Variants in ADAMTSL4 observed in about 807,000 individuals in gnomAD.
ADAMTSL4 encodes ADAMTS like 4.
Under a neutral mutation model 122.8 loss-of-function variants are expected in ADAMTSL4, and 97 were observed. The ratio of observed to expected loss-of-function variants is 0.79; its 90% CI spans 0.67 to 0.93. The LOEUF (loss-of-function observed/expected upper bound fraction) is 0.93. ADAMTSL4 is among the 40% of genes least tolerant of loss of function. The probability of loss-of-function intolerance (pLI) is 0.00; values close to 1 mark genes in which losing one functional copy is unlikely to be tolerated. For missense variants in ADAMTSL4, 1,408 were observed against 1,453.5 expected (o/e 0.97, Z 0.51); for synonymous variants, 592 against 568.0 (o/e 1.04, Z -0.60).
rs1671541917 is a variant in ADAMTSL4 at position 150,552,668 on chromosome 1, C to T, written c.78+68C>T. ...CTTTCATCTCCCCCTAGGCTCCCACCCCATCTCTCCAGGCCACGCCTCCAT... is the reference window on the plus strand; with the variant it reads ...CTTTCATCTCCCCCTAGGCTCCCACTCCATCTCTCCAGGCCACGCCTCCAT... On this transcript the variant is annotated intron_variant, in intron 4 of 18. Transcript: ENST00000271643. The surrounding 1 kb of genome is among the most constrained non-coding windows in gnomAD (Gnocchi z 4.0). 1 of 1,550,774 alleles carries T rather than the reference C, an allele frequency of 6.4e-7. No homozygotes were observed. Among genetic ancestry groups the T allele is most frequent in the African/African-American group, 1.4e-5 (1 of 73,070 alleles).
Position 150,559,543 on chromosome 1 carries a change from C to T in ADAMTSL4, c.2943+77C>T. The T allele has an allele frequency of 5.0e-6, 8 of 1,592,382 alleles. No homozygotes were observed. The highest frequency in any genetic ancestry group is 6.8e-6 in the Non-Finnish European group (8 of 1,169,410). ...AGGGGAGCTCCTCTCGCTGTACCCC[C>T]TCCAGGTCTCTCTGTGCCCCAGAAT... On this transcript the variant is annotated intron_variant, in intron 17 of 18. Transcript: ENST00000271643. This position sits in a 1 kb window ranked among gnomAD's most constrained non-coding sequence, Gnocchi z 4.1.
rs1453123164 is a variant in ADAMTSL4, at chr1:150,559,345, TG to T, written c.2826del (p.Thr943ArgfsTer5). 6.2e-7 allele frequency: 1 copy of T among 1,613,894 alleles called. No homozygotes were observed. The highest frequency in any genetic ancestry group is 8.5e-7 in the Non-Finnish European group (1 of 1,179,978). On this transcript the variant is annotated frameshift_variant, in exon 17 of 19. Coordinates refer to ENST00000271643, the MANE Select transcript of ADAMTSL4 (RefSeq NM_019032.6). LOFTEE classifies it high-confidence loss of function. The surrounding 1 kb of genome is among the most constrained non-coding windows in gnomAD (Gnocchi z 4.1). ...AGAGACATCATCTGTGTATCCAAAC[TG>T]GGGACGGAGTTCAACGTGACTTCTC... ...QRRDIICVSK[L>X]GTEFNVTSPS...
At position 150,552,322 on chromosome 1, in the gene ADAMTSL4, C is replaced by T; in HGVS notation, c.20+14C>T. 5.1e-6 allele frequency: 8 copies of T among 1,554,952 alleles called. No homozygotes were observed. Among genetic ancestry groups the T allele is most frequent in the Non-Finnish European group, 7.0e-6 (8 of 1,148,364 alleles). On this transcript the variant is annotated intron_variant, in intron 3 of 18. Coordinates refer to ENST00000271643, the MANE Select transcript of ADAMTSL4 (RefSeq NM_019032.6). This position sits in a 1 kb window ranked among gnomAD's most constrained non-coding sequence, Gnocchi z 4.0. The stretch of plus-strand genomic sequence containing the variant: ...CTGGACTGGCAGGTGAGAGAAGGGG[C>T]CACGGGTTGGGGGGGAGGAAAAGGG...
In ADAMTSL4 at chr1:150,559,131, G is replaced by C. The variant is rs587698708; in HGVS notation, c.2729G>C (p.Arg910Thr). The C allele has an allele frequency of 1.2e-6, 2 of 1,612,912 alleles. No individual in the cohort carries two copies. Among genetic ancestry groups the C allele is most frequent in the East Asian group, 2.2e-5 (1 of 44,874 alleles). Residue 910 changes from arginine to threonine, a missense_variant, in exon 16 of 19, where the codon AGA becomes ACA. Coordinates refer to ENST00000271643, the MANE Select transcript of ADAMTSL4 (RefSeq NM_019032.6). The surrounding 1 kb of genome is among the most constrained non-coding windows in gnomAD (Gnocchi z 4.1). Reference sequence around the variant, plus strand: ...GCCTGCAGCCTGGGGCCCTGTGAGAGAACTTGGCGCTGGTACACAGGGCCC... The same window carrying C: ...GCCTGCAGCCTGGGGCCCTGTGAGACAACTTGGCGCTGGTACACAGGGCCC... ...MRACSLGPCE[R>T]TWRWYTGPWG...
At chr1:150,558,686 G>A in intron 15 of ADAMTSL4, 37 bp downstream of exon 15, 2 of 1,613,764 alleles carry the variant, frequency 1.2e-6, no homozygotes, top group Non-Finnish European at 1.7e-6. Flanking sequence ...CTGCATCCTG[G>A]GTAACCACGC....
Position 150,552,703 on chromosome 1 carries a change from C to A in ADAMTSL4, c.78+103C>A. On this transcript the variant is annotated intron_variant, in intron 4 of 18. Coordinates refer to ENST00000271643, the MANE Select transcript of ADAMTSL4 (RefSeq NM_019032.6). This position sits in a 1 kb window ranked among gnomAD's most constrained non-coding sequence, Gnocchi z 4.0. ...CAGGCCACGCCTCCATTCCCCACAGCCCACCCACCTCCCCTGCCAACTCCC... is the reference window on the plus strand; with the variant it reads ...CAGGCCACGCCTCCATTCCCCACAGACCACCCACCTCCCCTGCCAACTCCC... 1 of 1,452,656 alleles carries A rather than the reference C, an allele frequency of 6.9e-7. No homozygotes were observed. The highest frequency in any genetic ancestry group is 9.5e-7 in the Non-Finnish European group (1 of 1,058,164). The allele number at this position is 1,452,656 out of a possible 1,614,324, so 90.0% of individuals were successfully genotyped here. A position where few individuals can be genotyped will look rare whatever the true frequency, so the allele number is the denominator to read the frequency against.
In ADAMTSL4 at chr1:150,552,528, G is replaced by C. The variant is rs376352402; in HGVS notation, c.21-15G>C. 3.1e-5 allele frequency: 50 copies of C among 1,614,064 alleles called. No individual in the cohort carries two copies. The African/African-American group carries it at 6.4e-4, about 21-fold the overall frequency. ...GCTCCAGTCTGACGTCCCTCCCCTG[G>C]CCTTTGGTTTGCAGGCCCTGGCTGT... On this transcript the variant is annotated splice_polypyrimidine_tract_variant and intron_variant, in intron 3 of 18. Transcript: ENST00000271643. The surrounding 1 kb of genome is among the most constrained non-coding windows in gnomAD (Gnocchi z 4.0).
rs775722002 is a variant in ADAMTSL4, at chr1:150,557,506, C to G, written c.2060C>G (p.Pro687Arg). ...SASCGKGVWR[P>R]IFLCISRESG... ...CTCACCCACTCAGGTGTCTGGCGCC[C>G]CATTTTCCTCTGCATCTCCCGTGAG... The change falls in exon 13 of 19, where the codon CCC becomes CGC. Residue 687 changes from proline (P) to arginine (R), a missense_variant. Transcript: ENST00000271643. 6.2e-7 allele frequency: 1 copy of G among 1,613,024 alleles called. No individual in the cohort carries two copies. Among genetic ancestry groups the G allele is most frequent in the Admixed American group, 1.7e-5 (1 of 59,988 alleles).
In ADAMTSL4 at chr1:150,560,358, G is replaced by A; in HGVS notation, c.*162G>A. 2 of 1,168,000 alleles carry A rather than the reference G, an allele frequency of 1.7e-6. No homozygotes were observed. The highest frequency in any genetic ancestry group is 2.4e-6 in the Non-Finnish European group (2 of 834,624). The allele number at this position is 1,168,000 out of a possible 1,614,324, so 72.4% of individuals were successfully genotyped here. A position where few individuals can be genotyped will look rare whatever the true frequency, so the allele number is the denominator to read the frequency against. On this transcript the variant is annotated 3_prime_UTR_variant, in exon 19 of 19. Transcript: ENST00000271643. ...TGACTGACACAAAGTGACTTTCAGG[G>A]CTGTGGTCAGGCCCATGTGGTGGTG...
At chr1:150,558,681 T>A (rs751575817) in intron 15 of ADAMTSL4, 32 bp downstream of exon 15, 13 of 1,613,910 alleles carry the variant, frequency 8.1e-6, no homozygotes, top group Non-Finnish European at 9.3e-6. Flanking sequence ...ATATCCTGCA[T>A]CCTGGGTAAC....
At position 150,553,983 on chromosome 1, in the gene ADAMTSL4, A is replaced by G. The variant is rs768078661; in HGVS notation, c.992A>G (p.Asp331Gly). The G allele has an allele frequency of 6.7e-5, 108 of 1,611,312 alleles. No homozygotes were observed. The highest frequency in any genetic ancestry group is 1.7e-4 in the Middle Eastern group (1 of 6,056). The change falls in exon 6 of 19, where the codon GAC becomes GGC. Residue 331 changes from aspartate to glycine, a missense_variant. Coordinates refer to ENST00000271643, the MANE Select transcript of ADAMTSL4 (RefSeq NM_019032.6). ...CCTCACGGGCCCCGCCTGGAGCCTG[A>G]CCCTCAGCACCCGGGCGCCTGGCTG... is the stretch of plus-strand genomic sequence containing the variant. The part of the protein sequence containing the change: ...GTPHGPRLEP[D>G]PQHPGAWLPL...
At chr1:150,558,235 A>G in intron 14 of ADAMTSL4, 86 bp downstream of exon 14, 1 of 1,592,328 alleles carries the variant, frequency 6.3e-7, no homozygotes, top group East Asian at 2.2e-5. Context: ...CTTTTTCATC[A>G]GCAGAAACTA....
At position 150,553,851 on chromosome 1, in the gene ADAMTSL4, A is replaced by C. The variant is rs755408161; in HGVS notation, c.860A>C (p.Gln287Pro). 79 of 1,613,926 alleles carry C rather than the reference A, an allele frequency of 4.9e-5. No individual in the cohort carries two copies. Among genetic ancestry groups the C allele is most frequent in the Non-Finnish European group, 6.0e-5 (71 of 1,179,994 alleles). Residue 287 changes from glutamine to proline, a missense_variant, in exon 6 of 19, where the codon CAG (glutamine) becomes CCG (proline). Coordinates refer to ENST00000271643, the MANE Select transcript of ADAMTSL4 (RefSeq NM_019032.6). ...CCTCAGCCACGAAGGCCAAGTTCCC[A>C]GGGTTGGGCCAGTCCCCAGGTAGCA... Reference protein sequence around the residue: ...ASPQPRRPSSQGWASPQVAGR... With the variant: ...ASPQPRRPSSPGWASPQVAGR...
chr1:150,553,066 C>G lies in ADAMTSL4; in HGVS notation c.247C>G (p.Pro83Ala). The G allele has an allele frequency of 6.2e-7, 1 of 1,613,412 alleles. No homozygotes were observed. ...LPTVQLHPSL[P>A]LPPRPPRHPE... ...TACAGTGCAGCTCCACCCGAGTCTG[C>G]CCCTCCCTCCCCGGCCCCCAAGACA... The change falls in exon 5 of 19, where the codon CCC becomes GCC. Residue 83 changes from proline to alanine, a missense_variant. By Grantham distance (27) the Pro-to-Ala change is conservative. Transcript: ENST00000271643.
rs1284442576 is a variant in ADAMTSL4 at position 150,560,247 on chromosome 1, T to C, written c.*51T>C. The C allele has an allele frequency of 1.9e-6, 3 of 1,610,528 alleles. No homozygotes were observed. The highest frequency in any genetic ancestry group is 2.2e-5 in the East Asian group (1 of 44,800). On this transcript the variant is annotated 3_prime_UTR_variant, in exon 19 of 19. Transcript: ENST00000271643. ...TTTCTGTGCCACCATCGGTCACCCA[T>C]TGATCGGCCCACTCTGAACCCCCTG...
In ADAMTSL4 at chr1:150,557,341, A is replaced by G; in HGVS notation, c.2047+6A>G. 6.2e-7 allele frequency: 1 copy of G among 1,609,434 alleles called. No individual in the cohort carries two copies. The highest frequency in any genetic ancestry group is 8.5e-7 in the Non-Finnish European group (1 of 1,178,338). On this transcript the variant is annotated splice_donor_region_variant and intron_variant, in intron 12 of 18. Coordinates refer to ENST00000271643, the MANE Select transcript of ADAMTSL4 (RefSeq NM_019032.6). ...CTCAGCGTCCTGCGGGAAAGGTGAG[A>G]CATCACAGTGCGTTCCCCGCATCTC...
At chr1:150,560,021 G>T in intron 18 of ADAMTSL4, 39 bp from the exon 19 acceptor site, 1 of 1,614,026 alleles carries the variant, frequency 6.2e-7, no homozygotes, top group Non-Finnish European at 8.5e-7. Flanking sequence ...GGTGGGTCCT[G>T]GTGACTCTCT....
intron 2 of ADAMTSL4, chr1:150,550,398 G>A (rs946382426): frequency 3.2e-5 from 14 of 439,904 alleles, no homozygotes; most frequent in Admixed American, 1.7e-4. Flanking sequence ...CCCGGGCCCC[G>A]GGAGCTCACG....
chr1:150,555,466 C>A lies in ADAMTSL4; in HGVS notation c.1272C>A (p.Pro424=), dbSNP rs1671928944. The change falls in exon 8 of 19, where the codon CCC becomes CCA. Residue 424 remains proline, a synonymous_variant. Transcript: ENST00000271643. ...GSQRCELNCR[P]RGFRFYVRHT... ...AGCGCTGTGAACTGAACTGCCGGCC[C>A]CGTGGCTTCCGCTTCTATGTCCGTC... 1.9e-6 allele frequency: 3 copies of A among 1,614,180 alleles called. No homozygotes were observed. Among genetic ancestry groups the A allele is most frequent in the Non-Finnish European group, 2.5e-6 (3 of 1,180,026 alleles).
Sources: allele counts gnomAD v4.1 joint callset, GRCh38; gene constraint gnomAD v4.1.1; non-coding constraint Gnocchi (gnomAD v3.1); transcripts MANE v1.5; gene names NCBI Gene and HGNC (gene_info 2026-07-23, HGNC 2026-07-21).